Variants in BCKDHB observed in about 807,000 individuals in gnomAD.
The protein encoded by BCKDHB is 2-oxoisovalerate dehydrogenase subunit beta, mitochondrial.
BCKDHB carries 41 observed loss-of-function variants against 48.5 expected under a neutral mutation model. The observed-to-expected ratio is 0.85, with a 90% CI of 0.66 to 1.10. The LOEUF is 1.10. Ranked by LOEUF, BCKDHB falls within the 50% of genes least tolerant of loss-of-function variation. The pLI, the probability that BCKDHB is intolerant of heterozygous loss-of-function variation, is 0.00. For missense variants in BCKDHB, 496 were observed against 494.2 expected (o/e 1.00, Z -0.03); for synonymous variants, 201 against 174.8 (o/e 1.15, Z -1.18).
chr6:80,115,641 CT>C (rs760255958), intron 1 of BCKDHB, among the ~76,000 whole-genome samples: 279 of 142,622 alleles, frequency 2.0e-3, no homozygotes, highest in Middle Eastern at 7.2e-3. Flanking sequence ...GCTGGGGTTT[CT>C]TTTTTTTTTT....
chr6:80,374,549 G>A, the BCKDHB span: 3 of 707,190 alleles, frequency 4.2e-6, no homozygotes, highest in South Asian at 4.4e-5. Flanking sequence ...GGTTCTCCCG[G>A]TCAAGTGTAT....
chr6:80,114,780 G>C (rs1769598022), intron 1 of BCKDHB, among the ~76,000 whole-genome samples: 1 of 152,210 alleles, frequency 6.6e-6, no homozygotes, highest in Non-Finnish European at 1.5e-5. Context: ...ACTGATGACT[G>C]TTGGATATAA....
chr6:80,273,055 TTTA>T, intron 8 of BCKDHB, 77 bp from the exon 9 acceptor site: 1 of 1,076,180 alleles, frequency 9.3e-7, no homozygotes, highest in Non-Finnish European at 1.4e-6. Flanking sequence ...ATAATTTACT[TTTA>T]TTACTGATTT....
At chr6:80,307,891 AC>A in intron 9 of BCKDHB, 1 of 972,948 alleles carries the variant, frequency 1.0e-6, no homozygotes, top group Non-Finnish European at 1.2e-6. Flanking sequence ...TAAATTAAAA[AC>A]ATAAAAATTA....
At chr6:80,217,488 G>GT (rs766279327) in intron 8 of BCKDHB, among the ~76,000 whole-genome samples, 13 of 152,222 alleles carry the variant, frequency 8.5e-5, no homozygotes, top group East Asian at 3.9e-4. Context: ...TATCATTACA[G>GT]TTTTTTCTGT....
chr6:80,421,699 G>A, the BCKDHB span, among the ~76,000 whole-genome samples: 4 of 152,144 alleles, frequency 2.6e-5, no homozygotes, highest in Admixed American at 6.5e-5. Flanking sequence ...TTTTGCTCCT[G>A]CCCTAGAGAT....
the BCKDHB span, among the ~76,000 whole-genome samples, chr6:80,444,078 A>G: frequency 1.3e-5 from 2 of 152,024 alleles, no homozygotes; most frequent in African/African-American, 4.8e-5. Context: ...CTAATTACAA[A>G]ATCTTTAAAA....
chr6:80,313,092 C>G (rs1263882324), intron 9 of BCKDHB, among the ~76,000 whole-genome samples: 2 of 152,076 alleles, frequency 1.3e-5, no homozygotes, highest in Non-Finnish European at 2.9e-5. Flanking sequence ...TTTATTACTG[C>G]CTCAATTTCA....
At chr6:80,448,965 G>A in the BCKDHB span, among the ~76,000 whole-genome samples, 14 of 152,124 alleles carry the variant, frequency 9.2e-5, no homozygotes, top group African/African-American at 3.1e-4. Flanking sequence ...AACAAAATGT[G>A]AGAACATTTT....
chr6:80,378,906 A>G, the BCKDHB span, among the ~76,000 whole-genome samples: 1 of 152,032 alleles, frequency 6.6e-6, no homozygotes, highest in Non-Finnish European at 1.5e-5. Context: ...TTTATTTTAT[A>G]TGTTTATTGG....
chr6:80,174,463 C>T (rs79211644), intron 6 of BCKDHB, among the ~76,000 whole-genome samples: 8 of 152,046 alleles, frequency 5.3e-5, no homozygotes, highest in African/African-American at 1.4e-4. Flanking sequence ...GCCTGTGGAA[C>T]GTGCATGTAC....
intron 9 of BCKDHB, among the ~76,000 whole-genome samples, chr6:80,327,194 T>C (rs1042124088): frequency 3.3e-5 from 5 of 152,196 alleles, no homozygotes; most frequent in African/African-American, 1.2e-4. Context: ...AAAATACATT[T>C]AATACACCTA....
chr6:80,130,581 C>T (rs1425674517), intron 3 of BCKDHB, among the ~76,000 whole-genome samples: 1 of 152,078 alleles, frequency 6.6e-6, no homozygotes, highest in Non-Finnish European at 1.5e-5. Context: ...GATTATTTTT[C>T]CTGATCATTT....
chr6:80,325,864 C>T (rs939504420), intron 9 of BCKDHB, among the ~76,000 whole-genome samples: 1 of 152,180 alleles, frequency 6.6e-6, no homozygotes, highest in African/African-American at 2.4e-5. Flanking sequence ...ATGTCCAGTA[C>T]TCCTCAAAAC....
intron 8 of BCKDHB, among the ~76,000 whole-genome samples, chr6:80,241,246 T>G (rs1250860703): frequency 6.6e-6 from 1 of 152,210 alleles, no homozygotes. Flanking sequence ...TGAAGCCTAC[T>G]TCTGTCAACT....
chr6:80,397,896 CAACA>C, the BCKDHB span, among the ~76,000 whole-genome samples: 1 of 151,978 alleles, frequency 6.6e-6, no homozygotes, highest in Admixed American at 6.6e-5. Context: ...ACCAACAAAC[CAACA>C]AACAACAAAC....
chr6:80,177,050 C>T (rs1773190059), intron 6 of BCKDHB, among the ~76,000 whole-genome samples: 1 of 151,402 alleles, frequency 6.6e-6, no homozygotes, highest in South Asian at 2.1e-4. Context: ...TATGGTAAAA[C>T]CCTGTCTCTA....
At chr6:80,322,947 T>A (rs568227192) in intron 9 of BCKDHB, among the ~76,000 whole-genome samples, 10 of 150,244 alleles carry the variant, frequency 6.7e-5, no homozygotes, top group Admixed American at 4.0e-4. Flanking sequence ...GGTTTAAAAA[T>A]TTTTTAACTA....
chr6:80,261,532 G>T (rs1777300532), intron 8 of BCKDHB, among the ~76,000 whole-genome samples: 1 of 152,050 alleles, frequency 6.6e-6, no homozygotes, highest in South Asian at 2.1e-4. Context: ...TTTGAGGTCT[G>T]CTGAATGTGG....
Sources: allele counts gnomAD v4.1 joint callset (sites outside exome capture counted in the v4.1 genomes callset), GRCh38; gene constraint gnomAD v4.1.1; transcripts MANE v1.5; gene names NCBI Gene and HGNC (gene_info 2026-07-23, HGNC 2026-07-21).